The following HNF1A variants were observed in gnomAD, a reference collection of about 807,000 sequenced individuals.
HNF1A encodes hepatocyte nuclear factor 1-alpha.
In HNF1A, 21 loss-of-function variants were observed where a neutral mutation model predicts 62.2. The ratio of observed to expected loss-of-function variants is 0.34; its 90% confidence interval spans 0.24 to 0.49. The LOEUF is 0.49. Ranked by LOEUF, HNF1A falls within the 20% of genes least tolerant of loss-of-function variation. HNF1A has a pLI of 0.99. For missense variants in HNF1A, 687 were observed against 832.3 expected, an observed-to-expected ratio of 0.83 and a Z score of 2.15; for synonymous variants, 374 against 366.8, an observed-to-expected ratio of 1.02 and a Z score of -0.22.
chr12:120,997,743 T>C lies in HNF1A; in HGVS notation c.1501+78T>C, dbSNP rs1291905243. 9.2e-6 allele frequency: 13 copies of C among 1,415,234 alleles called. No individual in the cohort carries two copies. In the East Asian group the frequency reaches 2.0e-4, roughly 22 times the overall value. 87.7% of individuals were successfully genotyped at this position (1,415,234 alleles called of 1,614,324 possible). The stretch of plus-strand genomic sequence containing the variant: ...AATGGATGCAGGGGAAAGGGGTGCC[T>C]GGCAGGCATTGCAGTCTGCATGTGT... On this transcript the variant is annotated intron_variant, in intron 7 of 9. Transcript: ENST00000257555.
At chr12:120,997,420 CA>C in intron 6 of HNF1A, 53 bp from the exon 7 acceptor site, 1 of 1,532,992 alleles carries the variant, frequency 6.5e-7, no homozygotes, top group East Asian at 2.3e-5. Context: ...AGGTCTTGGG[CA>C]GGGGTGGGAT....
intron 4 of HNF1A, among the ~76,000 whole-genome samples, chr12:120,994,670 C>T (rs1045048494): frequency 1.3e-5 from 2 of 149,618 alleles, no homozygotes; most frequent in African/African-American, 5.1e-5. Flanking sequence ...TTCGACTCCA[C>T]TCCATCCACT....
chr12:120,997,819 T>A (rs755007472), intron 7 of HNF1A, 154 bp downstream of exon 7: 3 of 824,064 alleles, frequency 3.6e-6, no homozygotes, highest in Non-Finnish European at 4.1e-6. Context: ...GGCCAGTGTG[T>A]TCCCATGTGA....
chr12:120,997,142 T>C, intron 6 of HNF1A: 2 of 1,404,148 alleles, frequency 1.4e-6, no homozygotes, highest in Non-Finnish European at 1.9e-6. Flanking sequence ...AAGGAGCTGC[T>C]AGGAGAGGGG....
intron 1 of HNF1A, among the ~76,000 whole-genome samples, chr12:120,985,007 G>A (rs1182465550): frequency 2.0e-5 from 3 of 149,676 alleles, no homozygotes; most frequent in East Asian, 2.0e-4. Flanking sequence ...GTGCAGTGGC[G>A]CGATCACAGC....
At chr12:120,999,670 C>T in intron 9 of HNF1A, 43 bp downstream of exon 9, 1 of 1,588,220 alleles carries the variant, frequency 6.3e-7, no homozygotes, top group Non-Finnish European at 8.5e-7. Flanking sequence ...TGTCCCTGCC[C>T]CCTTCCATGT....
chr12:120,992,931 A>G (rs542035997), intron 2 of HNF1A, among the ~76,000 whole-genome samples: 3 of 152,296 alleles, frequency 2.0e-5, no homozygotes, highest in African/African-American at 7.2e-5. Context: ...GTGCTGTCCT[A>G]GCACTTGTGT....
At position 120,993,719 on chromosome 12, in the gene HNF1A, G is replaced by A. The variant is rs755961371; in HGVS notation, c.713+13G>A. The A allele has an allele frequency of 9.3e-6, 15 of 1,612,968 alleles. No individual in the cohort carries two copies. The highest frequency in any genetic ancestry group is 6.7e-5 in the Admixed American group (4 of 59,878). ...AGGAGTGCAATAGGTACAACGGCGG[G>A]CGGGAAACAGTGCTGGTTTGGTCTG... is the stretch of plus-strand genomic sequence containing the variant. On this transcript the variant is annotated intron_variant, in intron 3 of 9. Transcript: ENST00000257555.
Position 120,985,255 on chromosome 12 carries a change from T to A in HNF1A, c.327-3578T>A, listed in dbSNP as rs112151132. On this transcript the variant is annotated intron_variant, in intron 1 of 9. Transcript: ENST00000257555. ...ACCACCATGCCTGGCTAATTTATTT[T>A]TTTTTTTATAGAGACAGAGTCTCAC... Among the ~76,000 whole-genome samples the A allele has an allele frequency of 7.7e-3, 1,158 of 151,236 alleles. 13 individuals are homozygous for A. Among genetic ancestry groups the A allele is most frequent in the African/African-American group, 0.018 (736 of 41,190 alleles).
At chr12:120,999,115 G>A (rs1877278801) in intron 7 of HNF1A, among the ~76,000 whole-genome samples, 153 bp from the exon 8 acceptor site, 1 of 152,154 alleles carries the variant, frequency 6.6e-6, no homozygotes, top group Non-Finnish European at 1.5e-5. Flanking sequence ...TTTATCTGGA[G>A]CCTCCAGTTT....
At chr12:120,991,423 A>G (rs1876829482) in intron 2 of HNF1A, among the ~76,000 whole-genome samples, 1 of 152,118 alleles carries the variant, frequency 6.6e-6, no homozygotes, top group Non-Finnish European at 1.5e-5. Context: ...GTGAAACCCC[A>G]TCTTAACTAA....
chr12:120,999,238 C>T (rs1356456488), intron 7 of HNF1A, 30 bp from the exon 8 acceptor site: 2 of 1,613,648 alleles, frequency 1.2e-6, no homozygotes, highest in Non-Finnish European at 1.7e-6. Context: ...GCACGTCTGC[C>T]ACGTCTGCCC....
chr12:120,996,932 G>A lies in HNF1A; in HGVS notation c.1309+190G>A, dbSNP rs1451004575. 1 of 1,498,826 alleles carries A rather than the reference G, an allele frequency of 6.7e-7. No homozygotes were observed. Among genetic ancestry groups the A allele is most frequent in the Admixed American group, 2.0e-5 (1 of 50,826 alleles). The allele number at this position is 1,498,826 out of a possible 1,614,324, so 92.8% of individuals were successfully genotyped here. A position where few individuals can be genotyped will look rare whatever the true frequency, so the allele number is the denominator to read the frequency against. On this transcript the variant is annotated intron_variant, in intron 6 of 9. Coordinates refer to ENST00000257555, the MANE Select transcript of HNF1A (RefSeq NM_000545.8). This position sits in a 1 kb window ranked among gnomAD's most constrained non-coding sequence, Gnocchi z 4.5. Reference sequence around the variant, plus strand: ...GTGAACCAAACAGACCAAAATCTCAGCAACTCAAGCAGGGAGGCAGGCACT... The same window carrying A: ...GTGAACCAAACAGACCAAAATCTCAACAACTCAAGCAGGGAGGCAGGCACT...
chr12:120,991,255 A>G (rs1037768114), intron 2 of HNF1A, among the ~76,000 whole-genome samples: 1 of 152,196 alleles, frequency 6.6e-6, no homozygotes, highest in African/African-American at 2.4e-5. Context: ...AAGAAGTTAT[A>G]TCAATGTACA....
Position 120,994,164 on chromosome 12 carries a change from G to C in HNF1A, c.714G>C (p.Arg238Ser), listed in dbSNP as rs1169159883. The C allele has an allele frequency of 6.2e-7, 1 of 1,612,966 alleles. No homozygotes were observed. Among genetic ancestry groups the C allele is most frequent in the Non-Finnish European group, 8.5e-7 (1 of 1,179,636 alleles). Residue 238 changes from arginine to serine, a missense_variant and splice_region_variant, in exon 4 of 10, where the codon AGG becomes AGC. By Grantham distance (110) the Arg-to-Ser change is moderately radical. Around this residue, in one of 5 missense-constraint regions of HNF1A, gnomAD observed 47 missense variants for 109.4 expected, o/e 0.43. Transcript: ENST00000257555. ...GGCTCATGGGTGGCTATTTCTGCAG[G>C]GCGGAATGCATCCAGAGAGGGGTGT... ...ERETLVEECN[R>S]AECIQRGVSP... is the part of the protein sequence containing the mutation.
chr12:120,997,963 C>T (rs1366448067), intron 7 of HNF1A: 5 of 617,908 alleles, frequency 8.1e-6, no homozygotes, highest in Non-Finnish European at 1.5e-5. Context: ...ATATGAATTT[C>T]TAAAATCTAT....
At position 120,999,251 on chromosome 12, in the gene HNF1A, C is replaced by T. The variant is rs748623022; in HGVS notation, c.1502-17C>T. ...AGGCACGTCTGCCACGTCTGCCCCT[C>T]TCTCCCCTGCGGCCAGCCCTCTACA... On this transcript the variant is annotated splice_polypyrimidine_tract_variant and intron_variant, in intron 7 of 9. Coordinates refer to ENST00000257555, the MANE Select transcript of HNF1A (RefSeq NM_000545.8). The T allele has an allele frequency of 1.5e-5, 24 of 1,613,734 alleles. 1 individual carries two copies. The South Asian group carries it at 2.6e-4, about 18-fold the overall frequency.
At chr12:120,994,810 C>G (rs566903967) in intron 4 of HNF1A, among the ~76,000 whole-genome samples, 1 of 151,598 alleles carries the variant, frequency 6.6e-6, no homozygotes, top group South Asian at 2.1e-4. Flanking sequence ...CCCATCCATC[C>G]ACTCCACTCC....
rs905904393 is a variant in HNF1A, at chr12:121,002,095, T to C, written c.*903T>C. 3.7e-6 allele frequency: 2 copies of C among 534,280 alleles called. No individual in the cohort carries two copies. Among genetic ancestry groups the C allele is most frequent in the African/African-American group, 3.7e-5 (2 of 53,796 alleles). 33.1% of individuals were successfully genotyped at this position (534,280 alleles called of 1,614,324 possible). A position where few individuals can be genotyped will look rare whatever the true frequency, so the allele number is the denominator to read the frequency against. On this transcript the variant is annotated 3_prime_UTR_variant, in exon 10 of 10. Coordinates refer to ENST00000257555, the MANE Select transcript of HNF1A (RefSeq NM_000545.8). ...ACCCTGCCCTTGTTTGGGGCAGGAG[T>C]AGCTGAGCTCACAAGGCAGCAAGGC...
Sources: gnomAD v4.1 joint callset for allele counts (sites outside exome capture counted in the v4.1 genomes callset) on GRCh38, gnomAD v4.1.1 for gene constraint, gnomAD v4.1.1 regional missense constraint, Gnocchi (gnomAD v3.1) non-coding constraint, MANE v1.5 for transcripts, NCBI Gene and HGNC (gene_info 2026-07-23, HGNC 2026-07-21) for gene names.